The following STMN1 variants were observed in gnomAD, a reference collection of about 807,000 sequenced individuals.
STMN1 encodes stathmin 1.
In STMN1, 3 loss-of-function variants were observed where a neutral mutation model predicts 19.7. That is an observed-to-expected ratio of 0.15 (90% CI 0.07 to 0.39). The LOEUF (loss-of-function observed/expected upper bound fraction) is 0.39, where lower values mean the gene tolerates loss of function less well. Ranked by LOEUF, STMN1 falls within the 10% of genes least tolerant of loss-of-function variation. The pLI is 1.00. For synonymous variants in STMN1, 59 were observed against 58.9 expected, an observed-to-expected ratio of 1.00 and a Z score of -0.01; for missense variants, 99 against 176.0, an observed-to-expected ratio of 0.56 and a Z score of 2.48.
downstream of STMN1, among the ~76,000 whole-genome samples, chr1:25,895,195 C>T (rs906749734): frequency 5.3e-5 from 8 of 150,314 alleles, no homozygotes; most frequent in Admixed American, 3.3e-4. Context: ...CTCTACCTCC[C>T]GGGTTCATAC....
intron 4 of STMN1, among the ~76,000 whole-genome samples, chr1:25,894,533 A>C (rs1448501183): frequency 6.6e-6 from 1 of 152,106 alleles, no homozygotes; most frequent in East Asian, 1.9e-4. Context: ...TACGAAAATT[A>C]GCCGGCCATT....
intron 4 of STMN1, 25 bp downstream of exon 4, chr1:25,901,466 C>A (rs1190545593): frequency 1.9e-6 from 3 of 1,587,416 alleles, no homozygotes; most frequent in Non-Finnish European, 2.6e-6. Context: ...CCAAGCTCAA[C>A]CCTTTTACAA....
At chr1:25,891,162 A>G (rs935142054) in intron 4 of STMN1, among the ~76,000 whole-genome samples, 2 of 151,986 alleles carry the variant, frequency 1.3e-5, no homozygotes, top group African/African-American at 2.4e-5. Flanking sequence ...GTGAAACCCC[A>G]TCTCTACTAA....
downstream of STMN1, chr1:25,900,004 T>C: frequency 3.7e-6 from 3 of 804,354 alleles, no homozygotes; most frequent in Non-Finnish European, 4.5e-6. Flanking sequence ...GCACTGACAA[T>C]GGGGACTATT....
At chr1:25,897,312 A>G (rs1040806401), downstream of STMN1, among the ~76,000 whole-genome samples, 9 of 70,534 alleles carry the variant, frequency 1.3e-4, no homozygotes, top group South Asian at 7.3e-4. Flanking sequence ...GACTGTCTCG[A>G]AAAAAAAAAA....
At chr1:25,899,497 G>T (rs1006008856), downstream of STMN1, among the ~76,000 whole-genome samples, 1 of 152,184 alleles carries the variant, frequency 6.6e-6, no homozygotes, top group African/African-American at 2.4e-5. Context: ...CTACATGGGC[G>T]TAACTCCTTA....
chr1:25,896,942 G>C (rs948727960), downstream of STMN1, among the ~76,000 whole-genome samples: 5 of 152,216 alleles, frequency 3.3e-5, no homozygotes, highest in African/African-American at 9.6e-5. Context: ...ACCCTGTAGA[G>C]AATCAGTCTT....
downstream of STMN1, among the ~76,000 whole-genome samples, chr1:25,897,502 A>G (rs1271749462): frequency 6.6e-6 from 1 of 152,066 alleles, no homozygotes; most frequent in Non-Finnish European, 1.5e-5. Context: ...AATGATACAG[A>G]GTAGACAGGA....
At chr1:25,885,816 C>T (rs750055953) in exon 5 of STMN1, 10 of 1,551,730 alleles carry the variant, frequency 6.4e-6, no homozygotes, top group Non-Finnish European at 8.7e-6. Flanking sequence ...GACAAGATTG[C>T]TCAGCAGAGA....
At chr1:25,901,155 AC>A (rs2048868805) in intron 4 of STMN1, 68 bp from the exon 5 acceptor site, 11 of 1,560,062 alleles carry the variant, frequency 7.1e-6, no homozygotes, top group Non-Finnish European at 9.5e-6. Flanking sequence ...TCAAGTCACG[AC>A]CCCCAGCCCC....
chr1:25,900,138 TTTA>T lies in STMN1; in HGVS notation c.*875_*877del, dbSNP rs2048854487. 1 of 985,810 alleles carries T rather than the reference TTTA, an allele frequency of 1.0e-6. No homozygotes were observed. The allele number at this position is 985,810 out of a possible 1,614,324, so 61.1% of individuals were successfully genotyped here. ...GAGTTGCTACAGCAGTACATAAAGT[TTTA>T]TTAATATTCTGATTCTCGTGTCATA... is the stretch of plus-strand genomic sequence containing the variant. On this transcript the variant is annotated 3_prime_UTR_variant, in exon 5 of 5. Coordinates refer to ENST00000455785, the MANE Select transcript of STMN1 (RefSeq NM_005563.4).
intron 4 of STMN1, among the ~76,000 whole-genome samples, chr1:25,891,486 T>G (rs918838024): frequency 6.6e-6 from 1 of 152,240 alleles, no homozygotes; most frequent in Admixed American, 6.5e-5. Context: ...GATGTCCCAG[T>G]CCCCTGGGGG....
At chr1:25,890,378 A>G (rs1019352685) in intron 4 of STMN1, among the ~76,000 whole-genome samples, 1 of 152,212 alleles carries the variant, frequency 6.6e-6, no homozygotes, top group African/African-American at 2.4e-5. Context: ...GGCTCTGCAA[A>G]GCTCCAGGAG....
chr1:25,901,638 C>T lies in STMN1; in HGVS notation c.231G>A (p.Glu77=). Residue 77 remains glutamate (E), a synonymous_variant, in exon 4 of 5, where the codon GAG becomes GAA. Transcript: ENST00000455785. Reference sequence around the variant, plus strand: ...CCTTCTGAAGCACTTCTTTCTCGTGCTCTCGTTTCTCAGCCAGCTGCTTCA... The same window carrying T: ...CCTTCTGAAGCACTTCTTTCTCGTGTTCTCGTTTCTCAGCCAGCTGCTTCA... ...EVLKQLAEKR[E]HEKEVLQKAI... is the part of the protein sequence containing the mutation. 1.2e-6 allele frequency: 2 copies of T among 1,613,132 alleles called. No homozygotes were observed. Among genetic ancestry groups the T allele is most frequent in the South Asian group, 1.1e-5 (1 of 90,802 alleles).
chr1:25,897,335 A>C (rs1462580927), downstream of STMN1, among the ~76,000 whole-genome samples: 1 of 152,000 alleles, frequency 6.6e-6, no homozygotes, highest in Non-Finnish European at 1.5e-5. Flanking sequence ...AAGAAAAGAA[A>C]AAATTTGGCC....
At chr1:25,888,743 G>A (rs764861777) in intron 4 of STMN1, among the ~76,000 whole-genome samples, 5 of 152,116 alleles carry the variant, frequency 3.3e-5, no homozygotes, top group Non-Finnish European at 5.9e-5. Context: ...AAGGACCCAC[G>A]ATCTATCCAT....
intron 3 of STMN1, 82 bp from the exon 4 acceptor site, chr1:25,901,764 C>T (rs2048877884): frequency 2.2e-6 from 3 of 1,376,802 alleles, no homozygotes; most frequent in Non-Finnish European, 2.9e-6. Context: ...AATCCCAGCA[C>T]TTTGGGAGGC....
chr1:25,900,766 T>C lies in STMN1; in HGVS notation c.*250A>G, dbSNP rs2048862904. 7.6e-7 allele frequency: 1 copy of C among 1,311,750 alleles called. No individual in the cohort carries two copies. Among genetic ancestry groups the C allele is most frequent in the Non-Finnish European group, 9.7e-7 (1 of 1,031,330 alleles). The allele number at this position is 1,311,750 out of a possible 1,614,324, so 81.3% of individuals were successfully genotyped here. On this transcript the variant is annotated 3_prime_UTR_variant, in exon 5 of 5. Coordinates refer to ENST00000455785, the MANE Select transcript of STMN1 (RefSeq NM_005563.4). ...ACCCAGTACACCAAGTGTACTGAAG[T>C]AGAAAAGATGCAACAAGAAAAATAG... is the stretch of plus-strand genomic sequence containing the variant.
intron 4 of STMN1, among the ~76,000 whole-genome samples, chr1:25,891,434 A>C (rs1246069687): frequency 6.6e-6 from 1 of 152,150 alleles, no homozygotes; most frequent in Non-Finnish European, 1.5e-5. Context: ...GAGAAAGAAA[A>C]GAGAGGAGGG....
Sources: gnomAD v4.1 joint callset for allele counts (sites outside exome capture counted in the v4.1 genomes callset) on GRCh38, gnomAD v4.1.1 for gene constraint, MANE v1.5 for transcripts, NCBI Gene and HGNC (gene_info 2026-07-23, HGNC 2026-07-21) for gene names.